AFG2A: variants seen among roughly 807,000 people sequenced by gnomAD.
AFG2A encodes AAA ATPase AFG2A.
chr4:123,128,026 A>G, the AFG2A span, among the ~76,000 whole-genome samples: 3 of 152,182 alleles, frequency 2.0e-5, no homozygotes, highest in African/African-American at 2.4e-5. Flanking sequence ...TGTGTTCACA[A>G]TGAGAAGATT....
At chr4:123,108,784 T>G in the AFG2A span, among the ~76,000 whole-genome samples, 1 of 152,158 alleles carries the variant, frequency 6.6e-6, no homozygotes, top group Non-Finnish European at 1.5e-5. Context: ...GTGAGCAAAA[T>G]TATATTTTTA....
At chr4:123,140,031 C>T in the AFG2A span, among the ~76,000 whole-genome samples, 2 of 151,976 alleles carry the variant, frequency 1.3e-5, no homozygotes, top group African/African-American at 4.8e-5. Flanking sequence ...GGGATTTACT[C>T]TTTTCTTTGG....
the AFG2A span, among the ~76,000 whole-genome samples, chr4:123,140,395 A>G: frequency 6.6e-6 from 1 of 152,072 alleles, no homozygotes; most frequent in African/African-American, 2.4e-5. Flanking sequence ...AATAATGCAA[A>G]TAGCCTTCTA....
the AFG2A span, among the ~76,000 whole-genome samples, chr4:122,951,910 G>C: frequency 6.6e-6 from 1 of 152,328 alleles, no homozygotes; most frequent in East Asian, 1.9e-4. Context: ...CTATGTGACA[G>C]TTGTTACATA....
At chr4:123,312,061 T>G in the AFG2A span, among the ~76,000 whole-genome samples, 1 of 152,330 alleles carries the variant, frequency 6.6e-6, no homozygotes, top group East Asian at 1.9e-4. Context: ...ATGGTACACA[T>G]GCTCATCTGG....
the AFG2A span, among the ~76,000 whole-genome samples, chr4:123,099,839 GTTA>G: frequency 6.6e-6 from 1 of 151,588 alleles, no homozygotes; most frequent in South Asian, 2.1e-4. Flanking sequence ...AGTTCCATTG[GTTA>G]TTAGCTTTTT....
At chr4:123,234,235 G>T in the AFG2A span, among the ~76,000 whole-genome samples, 1 of 152,012 alleles carries the variant, frequency 6.6e-6, no homozygotes, top group Admixed American at 6.6e-5. Context: ...ATATACTTTG[G>T]TTATACAATC....
At chr4:123,056,913 T>G in the AFG2A span, among the ~76,000 whole-genome samples, 1 of 152,160 alleles carries the variant, frequency 6.6e-6, no homozygotes, top group Non-Finnish European at 1.5e-5. Context: ...AGTCACACAG[T>G]TACTAGTAGT....
the AFG2A span, among the ~76,000 whole-genome samples, chr4:123,211,734 A>G: frequency 6.6e-6 from 1 of 152,124 alleles, no homozygotes; most frequent in Non-Finnish European, 1.5e-5. Flanking sequence ...TGAAAATCCC[A>G]TTACCTTACA....
chr4:123,154,748 A>T, the AFG2A span, among the ~76,000 whole-genome samples: 411 of 152,324 alleles, frequency 2.7e-3, 2 homozygotes, highest in Non-Finnish European at 4.6e-3. Flanking sequence ...AGAAAAAAAT[A>T]TATTAAGAGA....
the AFG2A span, among the ~76,000 whole-genome samples, chr4:123,222,973 T>C: frequency 6.6e-6 from 1 of 152,198 alleles, no homozygotes; most frequent in African/African-American, 2.4e-5. Context: ...ACATCTTGGC[T>C]CTTGTGAATA....
At chr4:123,250,329 A>C in the AFG2A span, among the ~76,000 whole-genome samples, 8 of 152,186 alleles carry the variant, frequency 5.3e-5, no homozygotes, top group Non-Finnish European at 8.8e-5. Flanking sequence ...AGAAGAAAAG[A>C]AGGATATTGG....
the AFG2A span, among the ~76,000 whole-genome samples, chr4:123,289,485 A>G: frequency 6.6e-6 from 1 of 152,132 alleles, no homozygotes; most frequent in African/African-American, 2.4e-5. Flanking sequence ...ATACATGCAG[A>G]TGTCTCTTTT....
chr4:123,232,279 T>C, the AFG2A span, among the ~76,000 whole-genome samples: 7 of 152,030 alleles, frequency 4.6e-5, no homozygotes, highest in African/African-American at 7.2e-5. Flanking sequence ...GTATAAGCTC[T>C]GAGGCACTTC....
At chr4:123,020,339 A>G in the AFG2A span, among the ~76,000 whole-genome samples, 3 of 151,898 alleles carry the variant, frequency 2.0e-5, no homozygotes, top group African/African-American at 7.3e-5. Flanking sequence ...TAAAAATAAC[A>G]ATTTTTGAAA....
the AFG2A span, among the ~76,000 whole-genome samples, chr4:123,243,349 A>G: frequency 6.6e-6 from 1 of 152,204 alleles, no homozygotes; most frequent in South Asian, 2.1e-4. Context: ...AACCAACCCA[A>G]ATTTCCATCA....
At chr4:123,031,372 C>T in the AFG2A span, among the ~76,000 whole-genome samples, 1 of 152,102 alleles carries the variant, frequency 6.6e-6, no homozygotes, top group Non-Finnish European at 1.5e-5. Context: ...AGGCTGGTCT[C>T]GAACTCCTGA....
chr4:123,044,098 A>G, the AFG2A span, among the ~76,000 whole-genome samples: 1 of 144,426 alleles, frequency 6.9e-6, no homozygotes, highest in Non-Finnish European at 1.6e-5. Flanking sequence ...TTGAAGCAGT[A>G]CGTCAAAATC....
chr4:123,216,310 G>T, the AFG2A span, among the ~76,000 whole-genome samples: 1 of 152,164 alleles, frequency 6.6e-6, no homozygotes, highest in South Asian at 2.1e-4. Flanking sequence ...CTGGAAGGTG[G>T]TTAATATATA....
Sources: allele counts gnomAD v4.1 joint callset (sites outside exome capture counted in the v4.1 genomes callset), GRCh38; gene constraint gnomAD v4.1.1; transcripts MANE v1.5; gene names NCBI Gene and HGNC (gene_info 2026-07-23, HGNC 2026-07-21).